The following RIC8B variants were observed in gnomAD, a reference collection of about 807,000 sequenced individuals.
RIC8B encodes the protein RIC8 guanine nucleotide exchange factor B.
In RIC8B, 16 loss-of-function variants were observed where a neutral mutation model predicts 57.5. The ratio of observed to expected loss-of-function variants is 0.28; its 90% CI spans 0.19 to 0.42. The LOEUF (loss-of-function observed/expected upper bound fraction) is 0.42. Among genes scored for constraint, RIC8B ranks in the 10% least tolerant of loss-of-function variants. The pLI is 1.00. For missense variants in RIC8B, 481 were observed against 677.0 expected, an observed-to-expected ratio of 0.71 and a Z score of 3.21; for synonymous variants, 216 against 250.8, an observed-to-expected ratio of 0.86 and a Z score of 1.31.
chr12:106,861,198 T>C (rs1416769590), intron 8 of RIC8B, among the ~76,000 whole-genome samples: 1 of 152,048 alleles, frequency 6.6e-6, no homozygotes. Context: ...CATCTGAAAA[T>C]TGGAAAAGCA....
intron 8 of RIC8B, among the ~76,000 whole-genome samples, chr12:106,864,988 A>G (rs372345279): frequency 1.1e-4 from 17 of 149,710 alleles, no homozygotes; most frequent in East Asian, 3.8e-4. Context: ...GCACATGTCA[A>G]AGTTTCAGCT....
Position 106,825,793 on chromosome 12 carries a change from C to G in RIC8B, c.809C>G (p.Thr270Ser), listed in dbSNP as rs1256218384. ...LRHCLLIVGP[T>S]EDKTEELHSN... ...CATTGTTTACTAATCGTAGGTCCAA[C>G]TGAAGACAAAACAGAAGAGCTACAC... The change falls in exon 4 of 10, where the codon ACT becomes AGT. Residue 270 changes from threonine to serine, a missense_variant. Coordinates refer to ENST00000392837, the MANE Select transcript of RIC8B (RefSeq NM_001330145.2). The G allele has an allele frequency of 3.1e-6, 5 of 1,613,176 alleles. No homozygotes were observed. The Admixed American group carries it at 6.7e-5, about 22-fold the overall frequency.
At chr12:106,803,215 CAAA>C (rs55853235) in intron 2 of RIC8B, among the ~76,000 whole-genome samples, 27 of 84,018 alleles carry the variant, frequency 3.2e-4, no homozygotes, top group African/African-American at 1.3e-3. Context: ...TACCCTGTCT[CAAA>C]AAAAAAAAAA....
chr12:106,775,738 A>G (rs1351019299), intron 1 of RIC8B, among the ~76,000 whole-genome samples: 1 of 152,228 alleles, frequency 6.6e-6, no homozygotes, highest in East Asian at 1.9e-4. Context: ...TTACATGCTC[A>G]CTTCAAAAGA....
At chr12:106,877,050 C>T (rs1950696986) in intron 9 of RIC8B, among the ~76,000 whole-genome samples, 1 of 151,922 alleles carries the variant, frequency 6.6e-6, no homozygotes, top group Non-Finnish European at 1.5e-5. Flanking sequence ...TTTTCTTAAC[C>T]ATGCTGTTTA....
At chr12:106,877,730 A>T (rs1293952947) in intron 9 of RIC8B, among the ~76,000 whole-genome samples, 4 of 152,212 alleles carry the variant, frequency 2.6e-5, no homozygotes, top group Non-Finnish European at 4.4e-5. Flanking sequence ...TATTTACCAA[A>T]GTTGCTCAAC....
intron 9 of RIC8B, among the ~76,000 whole-genome samples, chr12:106,876,601 G>A (rs1348635659): frequency 1.3e-5 from 2 of 152,102 alleles, no homozygotes; most frequent in African/African-American, 4.8e-5. Context: ...GGTTATATAG[G>A]ACCTTTCCAG....
chr12:106,803,682 G>T (rs1379234164), intron 2 of RIC8B, among the ~76,000 whole-genome samples: 3 of 151,846 alleles, frequency 2.0e-5, no homozygotes, highest in Admixed American at 2.0e-4. Context: ...ATCTTTATCT[G>T]AGTTTCACCA....
At chr12:106,861,669 G>A (rs991557817) in intron 8 of RIC8B, among the ~76,000 whole-genome samples, 5 of 151,962 alleles carry the variant, frequency 3.3e-5, no homozygotes, top group Admixed American at 6.6e-5. Context: ...TTTCTTTCCC[G>A]AATTATAGAA....
intron 2 of RIC8B, among the ~76,000 whole-genome samples, chr12:106,790,116 C>T (rs1055281783): frequency 1.3e-5 from 2 of 152,132 alleles, no homozygotes. Flanking sequence ...AACTGAGGCT[C>T]ATATGAATGA....
intron 3 of RIC8B, among the ~76,000 whole-genome samples, chr12:106,816,449 G>A (rs1037691003): frequency 2.0e-5 from 3 of 152,196 alleles, no homozygotes; most frequent in African/African-American, 7.2e-5. Context: ...CTGGGACTTG[G>A]CAAGAAAAGA....
At chr12:106,844,811 G>T (rs1290235374) in intron 6 of RIC8B, among the ~76,000 whole-genome samples, 1 of 152,158 alleles carries the variant, frequency 6.6e-6, no homozygotes, top group Non-Finnish European at 1.5e-5. Flanking sequence ...CACAGAACTT[G>T]CTGATAGATT....
chr12:106,797,632 AG>A (rs1010035688), intron 2 of RIC8B, among the ~76,000 whole-genome samples: 1 of 152,228 alleles, frequency 6.6e-6, no homozygotes, highest in Non-Finnish European at 1.5e-5. Context: ...TGCTTTAACA[AG>A]TTGAATCTTA....
At chr12:106,776,192 T>C (rs770912046) in intron 1 of RIC8B, among the ~76,000 whole-genome samples, 11 of 152,226 alleles carry the variant, frequency 7.2e-5, no homozygotes, top group Non-Finnish European at 1.5e-4. Flanking sequence ...CCGTACTGTG[T>C]TGCTTTCCTT....
chr12:106,842,768 T>C lies in RIC8B; in HGVS notation c.1016T>C (p.Met339Thr), dbSNP rs766485749. The change falls in exon 5 of 10, where the codon ATG becomes ACG. Residue 339 changes from methionine to threonine, a missense_variant. Met to Thr is a moderately conservative substitution (Grantham distance 81). Coordinates refer to ENST00000392837, the MANE Select transcript of RIC8B (RefSeq NM_001330145.2). ...ACCATGGTATACAATGGTATGAATA[T>C]GGAGGCCATTCATGTTTTACTGAAT... is the stretch of plus-strand genomic sequence containing the variant. ...NNTMVYNGMNMEAIHVLLNFM... is the reference protein window; with the variant it reads ...NNTMVYNGMNTEAIHVLLNFM... The C allele has an allele frequency of 6.2e-7, 1 of 1,613,624 alleles. No individual in the cohort carries two copies. Among genetic ancestry groups the C allele is most frequent in the African/African-American group, 1.3e-5 (1 of 75,034 alleles).
chr12:106,819,588 C>T (rs917035917), intron 3 of RIC8B, among the ~76,000 whole-genome samples: 2 of 151,304 alleles, frequency 1.3e-5, no homozygotes, highest in Non-Finnish European at 2.9e-5. Flanking sequence ...CTGATCTCTA[C>T]AAAAAATAAA....
At chr12:106,822,142 T>C (rs2136315426) in intron 3 of RIC8B, 1 of 148,328 alleles carries the variant, frequency 6.7e-6, no homozygotes, top group Non-Finnish European at 1.5e-5. Flanking sequence ...AACAGGAACT[T>C]CACAAAAGAG....
At chr12:106,808,854 T>G (rs1404838161) in intron 2 of RIC8B, among the ~76,000 whole-genome samples, 1 of 152,206 alleles carries the variant, frequency 6.6e-6, no homozygotes, top group East Asian at 1.9e-4. Flanking sequence ...TTTTTAATAG[T>G]TTTAGAAATC....
intron 8 of RIC8B, among the ~76,000 whole-genome samples, chr12:106,864,855 A>AT (rs2136543359): frequency 6.6e-6 from 1 of 152,202 alleles, no homozygotes; most frequent in South Asian, 2.1e-4. Flanking sequence ...GGTAAGCACC[A>AT]TTTTACTTTC....
Sources: allele counts gnomAD v4.1 joint callset (sites outside exome capture counted in the v4.1 genomes callset), GRCh38; gene constraint gnomAD v4.1.1; transcripts MANE v1.5; gene names NCBI Gene and HGNC (gene_info 2026-07-23, HGNC 2026-07-21).